KLHL13: variants seen among roughly 807,000 people sequenced by gnomAD.
KLHL13 encodes kelch-like protein 13.
In KLHL13, 10 loss-of-function variants were observed where a neutral mutation model predicts 37.1. The ratio of observed to expected loss-of-function variants is 0.27; its 90% CI spans 0.17 to 0.46. KLHL13 has a LOEUF of 0.46. Ranked by LOEUF, KLHL13 falls within the 20% of genes least tolerant of loss-of-function variation. The pLI is 1.00. For synonymous variants in KLHL13, 163 were observed against 181.2 expected (o/e 0.90, Z 0.81); for missense variants, 360 against 509.3 (o/e 0.71, Z 2.82).
At chrX:117,925,879 G>C (rs1455533433) in intron 2 of KLHL13, among the ~76,000 whole-genome samples, 1 of 111,133 alleles carries the variant, frequency 9.0e-6, no homozygotes, top group South Asian at 3.8e-4. Context: ...TTGTAGAGAA[G>C]GGGTTTCATC....
At chrX:117,980,657 A>T (rs1269795329) in intron 1 of KLHL13, among the ~76,000 whole-genome samples, 1 of 111,529 alleles carries the variant, frequency 9.0e-6, no homozygotes, top group Non-Finnish European at 1.9e-5. Flanking sequence ...ACTATTTAAC[A>T]CTATTTAAAT....
At chrX:117,905,540 T>G (rs1301719482) in intron 5 of KLHL13, among the ~76,000 whole-genome samples, 1 of 107,946 alleles carries the variant, frequency 9.3e-6, no homozygotes, top group East Asian at 2.8e-4. Context: ...CACACAGTCT[T>G]TTTTTGATGA....
At chrX:118,010,803 T>G (rs1399257441) in intron 1 of KLHL13, among the ~76,000 whole-genome samples, 2 of 110,650 alleles carry the variant, frequency 1.8e-5, no homozygotes, top group African/African-American at 6.6e-5. Context: ...CCACATGTGG[T>G]GGCTCACGCC....
chrX:117,920,767 T>A (rs1189554582), intron 2 of KLHL13, among the ~76,000 whole-genome samples: 1 of 111,636 alleles, frequency 9.0e-6, no homozygotes, highest in Non-Finnish European at 1.9e-5. Context: ...TTTATAGTGC[T>A]TGACTGAAGC....
chrX:117,984,535 T>C (rs1246526028), intron 1 of KLHL13, among the ~76,000 whole-genome samples: 1 of 111,392 alleles, frequency 9.0e-6, no homozygotes, highest in Non-Finnish European at 1.9e-5. Flanking sequence ...GACAAAGACC[T>C]TATCCAAAAT....
chrX:117,942,402 T>C (rs774418222), intron 2 of KLHL13, among the ~76,000 whole-genome samples: 1 of 111,393 alleles, frequency 9.0e-6, no homozygotes, highest in East Asian at 2.8e-4. Flanking sequence ...TCTGTCTCAT[T>C]AATCTGTCTA....
At chrX:117,944,566 T>G (rs1933224251) in intron 2 of KLHL13, among the ~76,000 whole-genome samples, 1 of 111,611 alleles carries the variant, frequency 9.0e-6, no homozygotes, top group Non-Finnish European at 1.9e-5. Context: ...ACTATAATGG[T>G]TCTTGATCAG....
intron 1 of KLHL13, among the ~76,000 whole-genome samples, chrX:118,071,540 G>A (rs1271153158): frequency 1.8e-5 from 2 of 111,010 alleles, no homozygotes; most frequent in Non-Finnish European, 3.8e-5. Flanking sequence ...GTGTTTTTTG[G>A]CTGCATAAAT....
At chrX:117,973,094 AT>A (rs1221357608) in exon 1 of KLHL13, 2 of 997,481 alleles carry the variant, frequency 2.0e-6, no homozygotes, top group Non-Finnish European at 2.5e-6. Context: ...ACTGCAGTAT[AT>A]TTTTTTAGGA....
rs182654204 is a variant in KLHL13, at chrX:117,992,478, C to G, written c.-55-46903G>C. Among the ~76,000 whole-genome samples, 126 of 111,309 alleles carry G rather than the reference C, an allele frequency of 1.1e-3. 1 individual carries two copies. Among genetic ancestry groups the G allele is most frequent in the African/African-American group, 4.0e-3 (122 of 30,673 alleles). ...ATGGTTTGTAAATAAATCTTTAGAA[C>G]ACACCCTGTTTATAGGTTATGATCT... On this transcript the variant is annotated intron_variant, in intron 1 of 6. Transcript: ENST00000371882.
intron 1 of KLHL13, among the ~76,000 whole-genome samples, chrX:118,070,315 T>C (rs1426531616): frequency 8.9e-6 from 1 of 112,785 alleles, no homozygotes; most frequent in Non-Finnish European, 1.9e-5. Flanking sequence ...GTGTTTGTTA[T>C]TGCTCAGTTT....
At chrX:118,044,205 A>G (rs1298126275) in intron 1 of KLHL13, among the ~76,000 whole-genome samples, 1 of 111,816 alleles carries the variant, frequency 8.9e-6, no homozygotes, top group Non-Finnish European at 1.9e-5. Context: ...AATGAAAACT[A>G]TAAAACACTG....
intron 1 of KLHL13, among the ~76,000 whole-genome samples, chrX:118,061,965 TTCTA>T (rs1407846562): frequency 9.0e-6 from 1 of 111,493 alleles, no homozygotes; most frequent in African/African-American, 3.3e-5. Flanking sequence ...CCTGTTATTT[TTCTA>T]TCTTTTTGGT....
chrX:118,037,485 A>G (rs1426269061), intron 1 of KLHL13, among the ~76,000 whole-genome samples: 1 of 99,996 alleles, frequency 1.0e-5, no homozygotes, highest in African/African-American at 3.7e-5. Context: ...TCAGTAAACT[A>G]TCGCAAGAAC....
intron 1 of KLHL13, among the ~76,000 whole-genome samples, chrX:117,998,214 G>A (rs912056391): frequency 7.1e-5 from 8 of 111,911 alleles, no homozygotes; most frequent in Non-Finnish European, 1.3e-4. Flanking sequence ...ATTGGATTTT[G>A]AGACATTTCC....
intron 1 of KLHL13, among the ~76,000 whole-genome samples, chrX:118,098,181 T>A (rs1172149560): frequency 9.0e-6 from 1 of 111,254 alleles, no homozygotes; most frequent in Non-Finnish European, 1.9e-5. Context: ...ACCTACTCAT[T>A]GGACAAAGGG....
At chrX:117,968,385 A>G (rs2053471879) in intron 1 of KLHL13, among the ~76,000 whole-genome samples, 1 of 111,210 alleles carries the variant, frequency 9.0e-6, no homozygotes, top group Admixed American at 9.6e-5. Flanking sequence ...AGGGGTTTGG[A>G]CTTTCTAAAT....
At chrX:118,111,574 A>G (rs1464381764) in intron 1 of KLHL13, among the ~76,000 whole-genome samples, 1 of 112,546 alleles carries the variant, frequency 8.9e-6, no homozygotes, top group East Asian at 2.8e-4. Flanking sequence ...CCTCGCCAAC[A>G]TGGTGAAACC....
intron 1 of KLHL13, among the ~76,000 whole-genome samples, chrX:118,004,387 T>C (rs921039400): frequency 8.9e-6 from 1 of 111,947 alleles, no homozygotes; most frequent in Non-Finnish European, 1.9e-5. Context: ...GTTCGAGATA[T>C]GATTATCCAC....
Sources: gnomAD v4.1 joint callset for allele counts (sites outside exome capture counted in the v4.1 genomes callset) on GRCh38, gnomAD v4.1.1 for gene constraint, MANE v1.5 for transcripts, NCBI Gene and HGNC (gene_info 2026-07-23, HGNC 2026-07-21) for gene names.